Variants in PYGB observed in about 807,000 individuals in gnomAD.
PYGB encodes the protein glycogen phosphorylase, brain form.
Under a neutral mutation model 94.3 loss-of-function variants are expected in PYGB, and 82 were observed. The observed-to-expected ratio is 0.87, with a 90% CI of 0.73 to 1.04. PYGB has a LOEUF of 1.04. PYGB is among the 50% of genes least tolerant of loss of function. The probability of loss-of-function intolerance (pLI) is 0.00; values close to 1 mark genes in which losing one functional copy is unlikely to be tolerated. For missense variants in PYGB, 1,132 were observed against 1,158.2 expected (o/e 0.98, Z 0.33); for synonymous variants, 488 against 479.1 (o/e 1.02, Z -0.24).
chr20:25,253,030 T>G (rs1239768342), intron 1 of PYGB, among the ~76,000 whole-genome samples: 1 of 152,232 alleles, frequency 6.6e-6, no homozygotes, highest in Non-Finnish European at 1.5e-5. Flanking sequence ...AGACACTTCT[T>G]TCATTTTTAT....
rs1600727166 is a variant in PYGB, at chr20:25,268,170, C to CCCCCG, written c.346-958_346-957insCCCGC. ...GTAAATCCTAGCACCCGCCCCCCCC[C>CCCCCG]CATATCCAAAATATTGTTGGTGGAA... On this transcript the variant is annotated intron_variant, in intron 2 of 19. Transcript: ENST00000216962. Among the ~76,000 whole-genome samples, 3 of 119,976 alleles carry CCCCCG rather than the reference C, an allele frequency of 2.5e-5. No individual in the cohort carries two copies. In the East Asian group the frequency reaches 8.6e-4, roughly 34 times the overall value. The allele number at this position is 119,976 out of a possible 152,430, so 78.7% of individuals were successfully genotyped here. A position where few individuals can be genotyped will look rare whatever the true frequency, so the allele number is the denominator to read the frequency against.
chr20:25,278,962 G>GGCC, intron 8 of PYGB, 95 bp from the exon 9 acceptor site: 2 of 1,100,230 alleles, frequency 1.8e-6, no homozygotes. Flanking sequence ...GGTGGGCTGG[G>GGCC]CTGGCTCCTT....
intron 16 of PYGB, among the ~76,000 whole-genome samples, 164 bp from the exon 17 acceptor site, chr20:25,292,242 C>T (rs6107024): frequency 0.12 from 17,547 of 141,136 alleles, 1,115 homozygotes; most frequent in African/African-American, 0.17. Flanking sequence ...CGTGTCCAGC[C>T]TGGGCCCCTG....
chr20:25,296,305 T>C, intron 19 of PYGB, 65 bp from the exon 20 acceptor site: 1 of 1,581,200 alleles, frequency 6.3e-7, no homozygotes, highest in Non-Finnish European at 8.7e-7. Flanking sequence ...AGTTCTGGAA[T>C]CCCATGTTTT....
intron 15 of PYGB, chr20:25,289,782 C>T: frequency 1.9e-6 from 1 of 530,756 alleles, no homozygotes; most frequent in South Asian, 1.4e-5. Context: ...GCTCTTCACT[C>T]TTACATACGT....
At chr20:25,279,561 A>C (rs1231758220) in intron 9 of PYGB, among the ~76,000 whole-genome samples, 1 of 152,136 alleles carries the variant, frequency 6.6e-6, no homozygotes, top group Non-Finnish European at 1.5e-5. Context: ...CCAAATCAAC[A>C]TGTGGAACCA....
At position 25,281,694 on chromosome 20, in the gene PYGB, G is replaced by A. The variant is rs577495459; in HGVS notation, c.1404-339G>A. ...CCCAGTAGCTATGAGGAAACCGAGC[G>A]CAGCTTCTCAAGCCCTGAAGTCCTG... On this transcript the variant is annotated intron_variant, in intron 11 of 19. Transcript: ENST00000216962. Among the ~76,000 whole-genome samples, 16 of 152,312 alleles carry A rather than the reference G, an allele frequency of 1.1e-4. No individual in the cohort carries two copies. The South Asian group carries it at 2.1e-3, about 20-fold the overall frequency.
intron 17 of PYGB, among the ~76,000 whole-genome samples, chr20:25,293,065 G>T (rs1339009415): frequency 1.3e-5 from 2 of 149,412 alleles, no homozygotes; most frequent in Non-Finnish European, 3.0e-5. Flanking sequence ...GGTCTAAGTT[G>T]TAACTGTTAA....
chr20:25,289,507 G>A (rs1412595307), intron 15 of PYGB, among the ~76,000 whole-genome samples: 3 of 152,104 alleles, frequency 2.0e-5, no homozygotes, highest in African/African-American at 4.8e-5. Flanking sequence ...TTAGCTGGGC[G>A]TGGTGGTTCA....
chr20:25,278,494 CCAGGGGCTGGGCGCCTT>C, intron 8 of PYGB, 32 bp downstream of exon 8: 1 of 1,610,980 alleles, frequency 6.2e-7, no homozygotes, highest in Non-Finnish European at 8.5e-7. Flanking sequence ...GATCTCAGTG[CCAGGGGCTGGGCGCCTT>C]CAGGCTCTTG....
chr20:25,295,567 C>T (rs2088528428), intron 18 of PYGB, 37 bp from the exon 19 acceptor site: 1 of 1,593,046 alleles, frequency 6.3e-7, no homozygotes, highest in Non-Finnish European at 8.6e-7. Context: ...GCAGGGCTCC[C>T]TGCTGCCCTG....
chr20:25,273,262 A>G (rs1226223053), intron 4 of PYGB, among the ~76,000 whole-genome samples: 1 of 152,200 alleles, frequency 6.6e-6, no homozygotes, highest in East Asian at 1.9e-4. Context: ...CTAACTCTGC[A>G]GATGGCCAGG....
chr20:25,261,989 C>G (rs2092914622), intron 2 of PYGB, among the ~76,000 whole-genome samples: 1 of 152,084 alleles, frequency 6.6e-6, no homozygotes, highest in Admixed American at 6.6e-5. Flanking sequence ...GTGAAGAGAC[C>G]AATCTACGGC....
intron 2 of PYGB, among the ~76,000 whole-genome samples, chr20:25,259,620 G>A (rs182698372): frequency 9.1e-4 from 139 of 152,258 alleles, no homozygotes; most frequent in African/African-American, 3.2e-3. Flanking sequence ...CCCCACCTCC[G>A]GGGCGGATTT....
intron 2 of PYGB, among the ~76,000 whole-genome samples, chr20:25,267,966 C>CT (rs2088232051): frequency 6.6e-6 from 1 of 152,128 alleles, no homozygotes; most frequent in African/African-American, 2.4e-5. Context: ...CGTAGCCTAT[C>CT]TTTAGAAAAA....
intron 2 of PYGB, among the ~76,000 whole-genome samples, chr20:25,261,662 T>A (rs2092913889): frequency 6.6e-6 from 1 of 152,156 alleles, no homozygotes; most frequent in Non-Finnish European, 1.5e-5. Flanking sequence ...GGAGAAGGCT[T>A]CAGACGATCA....
intron 17 of PYGB, among the ~76,000 whole-genome samples, chr20:25,293,452 C>T (rs112893833): frequency 6.6e-5 from 10 of 152,202 alleles, no homozygotes; most frequent in South Asian, 2.1e-4. Context: ...GAATCCAGCA[C>T]GGGCCTGATT....
chr20:25,276,500 C>T, intron 5 of PYGB, 146 bp from the exon 6 acceptor site: 1 of 645,752 alleles, frequency 1.5e-6, no homozygotes, highest in African/African-American at 1.8e-5. Context: ...CGAGCATGGG[C>T]TGGGTGGATG....
chr20:25,279,953 G>A (rs944076342), intron 9 of PYGB, among the ~76,000 whole-genome samples: 2 of 152,224 alleles, frequency 1.3e-5, no homozygotes, highest in Non-Finnish European at 1.5e-5. Context: ...TCAATGGTCT[G>A]TCCGTTTACC....
Sources: allele counts gnomAD v4.1 joint callset (sites outside exome capture counted in the v4.1 genomes callset), GRCh38; gene constraint gnomAD v4.1.1; transcripts MANE v1.5; gene names NCBI Gene and HGNC (gene_info 2026-07-23, HGNC 2026-07-21).